The following ATP8B1 variants were observed in gnomAD, a reference collection of about 807,000 sequenced individuals.
ATP8B1 encodes the protein phospholipid-transporting ATPase IC.
ATP8B1 carries 80 observed loss-of-function variants against 149.9 expected under a neutral mutation model. The ratio of observed to expected loss-of-function variants is 0.53; its 90% confidence interval spans 0.45 to 0.64. The LOEUF (loss-of-function observed/expected upper bound fraction) is 0.64. Among genes scored for constraint, ATP8B1 ranks in the 30% least tolerant of loss-of-function variants. The probability of loss-of-function intolerance (pLI) is 0.00; values close to 1 mark genes in which losing one functional copy is unlikely to be tolerated. For missense variants in ATP8B1, 1,247 were observed against 1,552.6 expected, an observed-to-expected ratio of 0.80 and a Z score of 3.31; for synonymous variants, 536 against 562.8, an observed-to-expected ratio of 0.95 and a Z score of 0.67.
rs79009229 is a variant in ATP8B1, at chr18:57,782,803, C to CTTTT, written c.-26+20191_-26+20194dup. 6.9e-3 allele frequency among the ~76,000 whole-genome samples: 625 copies of CTTTT among 91,082 alleles called. 124 individuals are homozygous for CTTTT. The highest frequency in any genetic ancestry group is 0.017 in the African/African-American group (341 of 20,466). 59.8% of individuals were successfully genotyped at this position (91,082 alleles called of 152,430 possible). A position where few individuals can be genotyped will look rare whatever the true frequency, so the allele number is the denominator to read the frequency against. Reference sequence around the variant, plus strand: ...GGCTCAGATTAATTCTAGTTTGTCTCTTTTTTTTTTTTTTTTTTTTTTTTT... The same window carrying CTTTT: ...GGCTCAGATTAATTCTAGTTTGTCTCTTTTTTTTTTTTTTTTTTTTTTTTTTTTT... On this transcript the variant is annotated intron_variant, in intron 1 of 27. Coordinates refer to ENST00000648908, the MANE Select transcript of ATP8B1 (RefSeq NM_001374385.1).
intron 1 of ATP8B1, chr18:57,734,019 A>T (rs1023382768): frequency 6.6e-6 from 1 of 152,194 alleles, no homozygotes; most frequent in African/African-American, 2.4e-5. Context: ...GGCATCTCAT[A>T]TTATAGGATA....
intron 2 of ATP8B1, among the ~76,000 whole-genome samples, chr18:57,719,998 C>A (rs1434614678): frequency 6.6e-6 from 1 of 151,996 alleles, no homozygotes; most frequent in African/African-American, 2.4e-5. Context: ...TGACACCTCA[C>A]ACGGCAGGGT....
At chr18:57,695,677 A>G in intron 8 of ATP8B1, 145 bp from the exon 9 acceptor site, 1 of 729,560 alleles carries the variant, frequency 1.4e-6, no homozygotes, top group East Asian at 2.7e-5. Flanking sequence ...TTCACCTTGG[A>G]ACTTCAGGTT....
intron 3 of ATP8B1, among the ~76,000 whole-genome samples, chr18:57,706,040 C>A (rs114564849): frequency 6.6e-6 from 1 of 152,044 alleles, no homozygotes; most frequent in South Asian, 2.1e-4. Flanking sequence ...TTTTGTATTT[C>A]GCATTTAATC....
chr18:57,650,312 A>C, intron 27 of ATP8B1, 55 bp downstream of exon 27: 1 of 1,600,402 alleles, frequency 6.2e-7, no homozygotes, highest in Non-Finnish European at 8.5e-7. Flanking sequence ...TGCTGTTGGG[A>C]AACGCTTTGG....
At position 57,674,849 on chromosome 18, in the gene ATP8B1, G is replaced by A. The variant is rs121909105; in HGVS notation, c.1804C>T (p.Arg602Ter). ...GGGGACTTACCAATGATAGACATTC[G>A]CTTCCGGTCACTGTTGAAGTCCAAA... ...AILDFNSDRK[R>*]MSIIVRTPEG... is the part of the protein sequence containing the mutation. Residue 602 changes from arginine to a stop codon, truncating the protein, a stop_gained, in exon 16 of 28, where the codon CGA becomes TGA. Transcript: ENST00000648908. LOFTEE classifies it high-confidence loss of function. The A allele has an allele frequency of 3.7e-6, 6 of 1,613,946 alleles. No homozygotes were observed. Among genetic ancestry groups the A allele is most frequent in the East Asian group, 2.2e-5 (1 of 44,890 alleles).
At position 57,669,070 on chromosome 18, in the gene ATP8B1, T is replaced by C. The variant is rs547078698; in HGVS notation, c.2097+248A>G. On this transcript the variant is annotated intron_variant, in intron 18 of 27. Coordinates refer to ENST00000648908, the MANE Select transcript of ATP8B1 (RefSeq NM_001374385.1). ...AATTATAATAAATTTTAATAAGTGATATACAAATTATGGAATTAAATTAGA... is the reference window on the plus strand; with the variant it reads ...AATTATAATAAATTTTAATAAGTGACATACAAATTATGGAATTAAATTAGA... The C allele has an allele frequency of 1.8e-5, 6 of 331,296 alleles. 1 individual carries two copies. Among genetic ancestry groups the C allele is most frequent in the Non-Finnish European group, 2.7e-5 (5 of 185,934 alleles). 20.5% of individuals were successfully genotyped at this position (331,296 alleles called of 1,614,324 possible). A position where few individuals can be genotyped will look rare whatever the true frequency, so the allele number is the denominator to read the frequency against.
chr18:57,683,257 A>G (rs1912071446), intron 15 of ATP8B1, among the ~76,000 whole-genome samples: 1 of 152,242 alleles, frequency 6.6e-6, no homozygotes, highest in Non-Finnish European at 1.5e-5. Flanking sequence ...TGGAAGATGT[A>G]GTGAAGTGGA....
intron 1 of ATP8B1, among the ~76,000 whole-genome samples, chr18:57,775,787 GA>G (rs2123393471): frequency 6.6e-6 from 1 of 152,060 alleles, no homozygotes; most frequent in Admixed American, 6.6e-5. Context: ...TGAGATTACA[GA>G]CATGTGCCAC....
chr18:57,655,598 T>C (rs1218130897), intron 22 of ATP8B1, among the ~76,000 whole-genome samples, 181 bp from the exon 23 acceptor site: 1 of 152,198 alleles, frequency 6.6e-6, no homozygotes, highest in Non-Finnish European at 1.5e-5. Flanking sequence ...AAAGTCTGAG[T>C]TACAAGTTGC....
At chr18:57,689,183 G>A (rs2122854746) in intron 12 of ATP8B1, among the ~76,000 whole-genome samples, 1 of 152,274 alleles carries the variant, frequency 6.6e-6, no homozygotes, top group East Asian at 1.9e-4. Context: ...AGTGGACACA[G>A]CAAGCTTGAC....
intron 1 of ATP8B1, chr18:57,733,892 A>C (rs1222402938): frequency 2.0e-4 from 1 of 4,938 alleles, no homozygotes; most frequent in African/African-American, 2.3e-4. Flanking sequence ...TACATTCACA[A>C]ATGGACACTT....
intron 22 of ATP8B1, among the ~76,000 whole-genome samples, chr18:57,656,051 A>G (rs541489107): frequency 6.6e-6 from 1 of 152,258 alleles, no homozygotes; most frequent in African/African-American, 2.4e-5. Context: ...CTGGATGTTG[A>G]CAGGCAACTA....
chr18:57,650,865 A>G (rs564113508), intron 26 of ATP8B1, among the ~76,000 whole-genome samples: 2 of 152,266 alleles, frequency 1.3e-5, no homozygotes, highest in Non-Finnish European at 2.9e-5. Context: ...AAAAAAAAGA[A>G]CATAGTTAAT....
At chr18:57,766,038 TTTTTC>T (rs780198807) in intron 1 of ATP8B1, among the ~76,000 whole-genome samples, 107 of 152,148 alleles carry the variant, frequency 7.0e-4, no homozygotes, top group Non-Finnish European at 1.3e-3. Context: ...CAATAATTTT[TTTTTC>T]TTTTCTTTTC....
At chr18:57,704,210 C>T (rs975091579) in intron 4 of ATP8B1, among the ~76,000 whole-genome samples, 3 of 152,110 alleles carry the variant, frequency 2.0e-5, no homozygotes, top group South Asian at 2.1e-4. Context: ...CGAGGTGATC[C>T]ACCCGCCTCG....
intron 1 of ATP8B1, among the ~76,000 whole-genome samples, chr18:57,795,038 G>A (rs1159251822): frequency 6.6e-6 from 1 of 152,042 alleles, no homozygotes; most frequent in African/African-American, 2.4e-5. Context: ...TGAATAAGGG[G>A]GGCTCAAAAA....
In ATP8B1 at chr18:57,802,489, C is replaced by A. The variant is rs1359041275; in HGVS notation, c.-26+509G>T. 6.6e-6 allele frequency among the ~76,000 whole-genome samples: 1 copy of A among 152,242 alleles called. No individual in the cohort carries two copies. Among genetic ancestry groups the A allele is most frequent in the East Asian group, 1.9e-4 (1 of 5,182 alleles). On this transcript the variant is annotated intron_variant, in intron 1 of 27. Transcript: ENST00000648908. This position sits in a 1 kb window ranked among gnomAD's most constrained non-coding sequence, Gnocchi z 4.9. ...GAGAGCGATCTCACCCCCTCCATCCCTCCCGGCAGGTGGGCCGCGGTCAGA... is the reference window on the plus strand; with the variant it reads ...GAGAGCGATCTCACCCCCTCCATCCATCCCGGCAGGTGGGCCGCGGTCAGA...
In ATP8B1 at chr18:57,776,573, G is replaced by A. The variant is rs944423491; in HGVS notation, c.-26+26425C>T. On this transcript the variant is annotated intron_variant, in intron 1 of 27. Coordinates refer to ENST00000648908, the MANE Select transcript of ATP8B1 (RefSeq NM_001374385.1). The stretch of plus-strand genomic sequence containing the variant: ...TGCCCACTGAGGTGAGAGAAAGGAG[G>A]GGAAATAAAACAGCAAGCCCTTTTC... 7.9e-5 allele frequency among the ~76,000 whole-genome samples: 12 copies of A among 151,876 alleles called. No homozygotes were observed. In the East Asian group the frequency reaches 2.1e-3, roughly 27 times the overall value.
Sources: gnomAD v4.1 joint callset for allele counts (sites outside exome capture counted in the v4.1 genomes callset) on GRCh38, gnomAD v4.1.1 for gene constraint, Gnocchi (gnomAD v3.1) non-coding constraint, MANE v1.5 for transcripts, NCBI Gene and HGNC (gene_info 2026-07-23, HGNC 2026-07-21) for gene names.